PHACTR2: variants seen among roughly 807,000 people sequenced by gnomAD.
PHACTR2 encodes chromosome 6 open reading frame 56.
In PHACTR2, 30 loss-of-function variants were observed where a neutral mutation model predicts 76.0. That is an observed-to-expected ratio of 0.39 (90% CI 0.30 to 0.54). PHACTR2 has a LOEUF of 0.54. Among genes scored for constraint, PHACTR2 ranks in the 20% least tolerant of loss-of-function variants. PHACTR2 has a pLI of 0.61. For synonymous variants in PHACTR2, 292 were observed against 292.5 expected (o/e 1.00, Z 0.02); for missense variants, 696 against 781.1 (o/e 0.89, Z 1.30).
intron 9 of PHACTR2, among the ~76,000 whole-genome samples, chr6:143,778,879 G>C (rs1024593967): frequency 3.3e-5 from 5 of 152,182 alleles, no homozygotes; most frequent in Non-Finnish European, 5.9e-5. Context: ...GGTTATCTGA[G>C]GAACTGTTTC....
At chr6:143,606,898 T>G (rs1338126708), upstream of PHACTR2, among the ~76,000 whole-genome samples, 1 of 152,210 alleles carries the variant, frequency 6.6e-6, no homozygotes, top group South Asian at 2.1e-4. Context: ...ACTGAGAAAT[T>G]CAGCTTTTAT....
At chr6:143,690,086 G>T (rs547235808) in intron 1 of PHACTR2, among the ~76,000 whole-genome samples, 4 of 152,236 alleles carry the variant, frequency 2.6e-5, no homozygotes, top group Admixed American at 2.6e-4. Flanking sequence ...GGTAAACCAC[G>T]ATTTCTTTTT....
rs1467616170 is a variant in PHACTR2, at chr6:143,751,904, C to T, written c.296-1850C>T. 6.6e-6 allele frequency among the ~76,000 whole-genome samples: 1 copy of T among 152,038 alleles called. No individual in the cohort carries two copies. Among genetic ancestry groups the T allele is most frequent in the Non-Finnish European group, 1.5e-5 (1 of 68,000 alleles). ...TACTAGAAAGCCTTTTCAATATACA[C>T]ACCAGCTAATTAATAACTTTACTTC... On this transcript the variant is annotated intron_variant, in intron 3 of 12. Coordinates refer to ENST00000440869, the MANE Select transcript of PHACTR2 (RefSeq NM_001100164.2). The surrounding 1 kb of genome is among the most constrained non-coding windows in gnomAD (Gnocchi z 5.7).
intron 3 of PHACTR2, 65 bp downstream of exon 3, chr6:143,749,130 T>A: frequency 1.2e-6 from 1 of 840,520 alleles, no homozygotes; most frequent in Admixed American, 2.1e-5. Flanking sequence ...TCTTTTGTTT[T>A]CTTTTGAAAT....
At chr6:143,584,689 C>T (rs899923655) in intron 1 of PHACTR2, among the ~76,000 whole-genome samples, 2 of 152,188 alleles carry the variant, frequency 1.3e-5, no homozygotes, top group Non-Finnish European at 2.9e-5. Flanking sequence ...TCTATCAGTG[C>T]AGTGACCTCT....
At chr6:143,740,508 T>TAAAAAAAAAA (rs10638908) in intron 2 of PHACTR2, among the ~76,000 whole-genome samples, 1 of 128,696 alleles carries the variant, frequency 7.8e-6, no homozygotes. Flanking sequence ...TCCTTTTAAT[T>TAAAAAAAAAA]AAAAAAAAAA....
At chr6:143,726,453 C>T (rs1778574137) in intron 2 of PHACTR2, among the ~76,000 whole-genome samples, 1 of 152,140 alleles carries the variant, frequency 6.6e-6, no homozygotes, top group Non-Finnish European at 1.5e-5. Flanking sequence ...CCCAGTAACC[C>T]ACCATTCTAC....
chr6:143,720,047 G>T (rs557143696), intron 2 of PHACTR2, among the ~76,000 whole-genome samples: 1 of 151,952 alleles, frequency 6.6e-6, no homozygotes. Context: ...CCTGACCTCA[G>T]GTGATTCACC....
chr6:143,607,558 T>G (rs746282767), upstream of PHACTR2, among the ~76,000 whole-genome samples: 5 of 148,718 alleles, frequency 3.4e-5, no homozygotes, highest in East Asian at 9.7e-4. Context: ...GAATTATTAG[T>G]GACATTCGGT....
intron 2 of PHACTR2, among the ~76,000 whole-genome samples, chr6:143,721,098 G>A (rs1459524244): frequency 6.6e-6 from 1 of 152,206 alleles, no homozygotes; most frequent in African/African-American, 2.4e-5. Flanking sequence ...CCAAAAGTCA[G>A]AAAGCCAACC....
intron 4 of PHACTR2, among the ~76,000 whole-genome samples, chr6:143,759,751 A>G (rs1479965192): frequency 2.0e-5 from 3 of 152,000 alleles, no homozygotes; most frequent in African/African-American, 4.8e-5. Flanking sequence ...GGAAGCTGCC[A>G]ATGTACTGGG....
Position 143,791,244 on chromosome 6 carries a change from T to G in PHACTR2, c.1845+2334T>G, listed in dbSNP as rs1414125402. On this transcript the variant is annotated intron_variant, in intron 11 of 12. Coordinates refer to ENST00000440869, the MANE Select transcript of PHACTR2 (RefSeq NM_001100164.2). This position sits in a 1 kb window ranked among gnomAD's most constrained non-coding sequence, Gnocchi z 4.7. ...TGTTTTCTATGTCATTATTTGTTCT[T>G]TTCTCTTCTTCCTCCTAATTTTTTG... Among the ~76,000 whole-genome samples the G allele has an allele frequency of 6.6e-6, 1 of 152,156 alleles. No homozygotes were observed. The highest frequency in any genetic ancestry group is 6.5e-5 in the Admixed American group (1 of 15,280).
In PHACTR2 at chr6:143,543,591, G is replaced by C. The variant is rs559985348; in HGVS notation, c.217+6384G>C. Among the ~76,000 whole-genome samples, 1 of 152,200 alleles carries C rather than the reference G, an allele frequency of 6.6e-6. No homozygotes were observed. Among genetic ancestry groups the C allele is most frequent in the African/African-American group, 2.4e-5 (1 of 41,458 alleles). On this transcript the variant is annotated intron_variant, in intron 1 of 11. Transcript: ENST00000367584. This position sits in a 1 kb window ranked among gnomAD's most constrained non-coding sequence, Gnocchi z 4.7. ...CCTGGGCTATCTCTATGCAAAAGGAGGAACTGAAAGATGGAGTTGGGTTGG... is the reference window on the plus strand; with the variant it reads ...CCTGGGCTATCTCTATGCAAAAGGACGAACTGAAAGATGGAGTTGGGTTGG...
rs963184784 is a variant in PHACTR2, at chr6:143,621,091, G to T, written c.13+12769G>T. 1.1e-4 allele frequency among the ~76,000 whole-genome samples: 16 copies of T among 152,344 alleles called. No homozygotes were observed. The East Asian group carries it at 2.7e-3, about 26-fold the overall frequency. Reference sequence around the variant, plus strand: ...GTGCAAACCTCCAGGAAAAGAACAAGAGCAGGATCATTAAAGAAGCCTTAG... The same window carrying T: ...GTGCAAACCTCCAGGAAAAGAACAATAGCAGGATCATTAAAGAAGCCTTAG... On this transcript the variant is annotated intron_variant, in intron 1 of 11. Transcript: ENST00000305766. The surrounding 1 kb of genome is among the most constrained non-coding windows in gnomAD (Gnocchi z 4.1).
intron 10 of PHACTR2, among the ~76,000 whole-genome samples, chr6:143,788,122 G>T (rs1322620259): frequency 1.3e-5 from 2 of 152,196 alleles, no homozygotes; most frequent in African/African-American, 4.8e-5. Context: ...GTATCTTAAA[G>T]GTTGGAGTTG....
chr6:143,765,367 C>A lies in PHACTR2; in HGVS notation c.801C>A (p.Ser267Arg), dbSNP rs763187920. The change falls in exon 6 of 13, where the codon AGC becomes AGA. Residue 267 changes from serine (S) to arginine (R), a missense_variant. Around this residue, in one of 2 missense-constraint regions of PHACTR2, gnomAD observed 460 missense variants for 450.9 expected, o/e 1.02. Coordinates refer to ENST00000440869, the MANE Select transcript of PHACTR2 (RefSeq NM_001100164.2). This position sits in a 1 kb window ranked among gnomAD's most constrained non-coding sequence, Gnocchi z 4.1. ...AAGCTTCAAAGGAGACAGTTTCTAG[C>A]AAAGCAGGGACAGTGGGGACCACCA... Reference protein sequence around the residue: ...RPKASKETVSSKAGTVGTTKG... With the variant: ...RPKASKETVSRKAGTVGTTKG... The A allele has an allele frequency of 2.5e-6, 4 of 1,614,068 alleles. No homozygotes were observed. Among genetic ancestry groups the A allele is most frequent in the African/African-American group, 1.3e-5 (1 of 74,924 alleles).
intron 4 of PHACTR2, among the ~76,000 whole-genome samples, chr6:143,759,417 G>C (rs991762193): frequency 6.6e-5 from 10 of 152,284 alleles, no homozygotes; most frequent in African/African-American, 2.4e-4. Context: ...ACTTTGGGAG[G>C]CCAAGGCAGG....
chr6:143,790,065 T>G (rs1047149167), intron 11 of PHACTR2, among the ~76,000 whole-genome samples: 5 of 152,052 alleles, frequency 3.3e-5, no homozygotes, highest in African/African-American at 1.2e-4. Flanking sequence ...ATGTGTGCAG[T>G]GACATGGTGA....
chr6:143,694,831 C>T (rs1777734560), intron 1 of PHACTR2, among the ~76,000 whole-genome samples: 1 of 152,206 alleles, frequency 6.6e-6, no homozygotes, highest in South Asian at 2.1e-4. Context: ...TTGTAAACCA[C>T]CTAGCAGGCT....
Sources: gnomAD v4.1 joint callset for allele counts (sites outside exome capture counted in the v4.1 genomes callset) on GRCh38, gnomAD v4.1.1 for gene constraint, gnomAD v4.1.1 regional missense constraint, Gnocchi (gnomAD v3.1) non-coding constraint, MANE v1.5 for transcripts, NCBI Gene and HGNC (gene_info 2026-07-23, HGNC 2026-07-21) for gene names.